PDE8B: variants seen among roughly 807,000 people sequenced by gnomAD.
PDE8B encodes the protein phosphodiesterase 8B, also known as high affinity cAMP-specific and IBMX-insensitive 3',5'-cyclic phosphodiesterase 8B.
In PDE8B, 26 loss-of-function variants were observed where a neutral mutation model predicts 101.3. The ratio of observed to expected loss-of-function variants is 0.26; its 90% CI spans 0.19 to 0.36. PDE8B has a LOEUF of 0.36. Among genes scored for constraint, PDE8B ranks in the 10% least tolerant of loss-of-function variants. PDE8B has a pLI of 1.00. For synonymous variants in PDE8B, 424 were observed against 429.3 expected, an observed-to-expected ratio of 0.99 and a Z score of 0.15; for missense variants, 810 against 1,163.1, an observed-to-expected ratio of 0.70 and a Z score of 4.42.
chr5:77,110,774 G>A, the PDE8B span, among the ~76,000 whole-genome samples: 54 of 152,296 alleles, frequency 3.5e-4, no homozygotes, highest in Admixed American at 3.2e-3. Context: ...AGAGACTACC[G>A]CATGGCCTCT....
chr5:77,189,219 A>G, the PDE8B span, among the ~76,000 whole-genome samples: 2 of 152,192 alleles, frequency 1.3e-5, no homozygotes, highest in Admixed American at 6.5e-5. Flanking sequence ...TCCTTAAAGG[A>G]CATATTTCTA....
chr5:77,281,479 G>A (rs1264459530), intron 1 of PDE8B, among the ~76,000 whole-genome samples: 1 of 152,200 alleles, frequency 6.6e-6, no homozygotes, highest in Non-Finnish European at 1.5e-5. Context: ...GGAGGCTCTA[G>A]GGCAGAAATC....
intron 1 of PDE8B, among the ~76,000 whole-genome samples, chr5:77,280,202 T>C (rs1198996198): frequency 2.6e-5 from 4 of 152,164 alleles, no homozygotes; most frequent in African/African-American, 9.7e-5. Flanking sequence ...GTGCAGGGGA[T>C]TGGGTGCCAA....
intron 6 of PDE8B, among the ~76,000 whole-genome samples, chr5:77,337,673 G>A (rs1042385692): frequency 6.6e-6 from 1 of 152,108 alleles, no homozygotes. Flanking sequence ...GGATTGTTAC[G>A]CATAGGGGCA....
At chr5:77,346,289 G>T (rs370324621) in intron 7 of PDE8B, among the ~76,000 whole-genome samples, 57 of 152,262 alleles carry the variant, frequency 3.7e-4, no homozygotes, top group African/African-American at 1.4e-3. Context: ...AGAGCCAGAC[G>T]TGTTTCTGTT....
At chr5:77,346,509 T>G (rs939139665) in intron 7 of PDE8B, among the ~76,000 whole-genome samples, 3 of 152,092 alleles carry the variant, frequency 2.0e-5, no homozygotes, top group Non-Finnish European at 4.4e-5. Context: ...GGGAACAGAG[T>G]CTTTCATTCT....
intron 7 of PDE8B, among the ~76,000 whole-genome samples, chr5:77,347,114 C>T (rs1281410590): frequency 1.3e-5 from 2 of 152,192 alleles, no homozygotes; most frequent in South Asian, 2.1e-4. Flanking sequence ...TCCATGCCCC[C>T]ATCTATCTAA....
chr5:77,207,981 C>A (rs971645392), upstream of PDE8B, among the ~76,000 whole-genome samples: 1 of 152,214 alleles, frequency 6.6e-6, no homozygotes, highest in Admixed American at 6.5e-5. Flanking sequence ...AAGTTGCAGT[C>A]AATGAAAGTC....
the PDE8B span, among the ~76,000 whole-genome samples, chr5:77,125,127 G>A: frequency 6.6e-6 from 1 of 152,026 alleles, no homozygotes; most frequent in Non-Finnish European, 1.5e-5. Context: ...GGGGTAGCTG[G>A]GACTACAGGC....
At chr5:77,367,903 C>G (rs531325401) in intron 10 of PDE8B, among the ~76,000 whole-genome samples, 22 of 152,200 alleles carry the variant, frequency 1.4e-4, no homozygotes, top group Non-Finnish European at 2.8e-4. Flanking sequence ...GCACTTGCAG[C>G]GTTCTTCACA....
the PDE8B span, among the ~76,000 whole-genome samples, chr5:77,122,389 C>T: frequency 3.3e-5 from 5 of 152,186 alleles, no homozygotes; most frequent in Non-Finnish European, 7.3e-5. Flanking sequence ...TGGTCTACTG[C>T]CATGAGGAAC....
chr5:77,220,854 G>C (rs895244802), intron 1 of PDE8B, among the ~76,000 whole-genome samples: 3 of 152,116 alleles, frequency 2.0e-5, no homozygotes, highest in Non-Finnish European at 4.4e-5. Context: ...GGAGCTGAGG[G>C]GCTCAGGTGG....
chr5:77,290,507 A>G, intron 1 of PDE8B: 1 of 1,469,814 alleles, frequency 6.8e-7, no homozygotes, highest in Admixed American at 1.7e-5. Flanking sequence ...TTCCTGCTCC[A>G]AAACGAGGAG....
At chr5:77,232,968 A>G (rs1561386475) in intron 1 of PDE8B, among the ~76,000 whole-genome samples, 1 of 152,226 alleles carries the variant, frequency 6.6e-6, no homozygotes, top group Non-Finnish European at 1.5e-5. Context: ...AAGATGTCAC[A>G]GGAGTATTGT....
intron 6 of PDE8B, among the ~76,000 whole-genome samples, chr5:77,340,600 A>AGT (rs34764404): frequency 0.041 from 5,710 of 140,102 alleles, 128 homozygotes; most frequent in Admixed American, 0.049. Flanking sequence ...GCAGCCTCAC[A>AGT]GTGTGTGTGT....
At chr5:77,309,943 CTTTTT>C (rs955296324) in intron 1 of PDE8B, among the ~76,000 whole-genome samples, 11 of 114,168 alleles carry the variant, frequency 9.6e-5, no homozygotes, top group African/African-American at 3.0e-4. Flanking sequence ...AATCATTAAT[CTTTTT>C]TTTTTTTTTT....
the PDE8B span, among the ~76,000 whole-genome samples, chr5:77,205,147 C>G: frequency 6.6e-6 from 1 of 152,136 alleles, no homozygotes; most frequent in South Asian, 2.1e-4. Flanking sequence ...ACCCAGCACT[C>G]GGTGGCCTCC....
intron 10 of PDE8B, among the ~76,000 whole-genome samples, chr5:77,361,361 G>T (rs1407210883): frequency 6.6e-6 from 1 of 152,148 alleles, no homozygotes; most frequent in Non-Finnish European, 1.5e-5. Context: ...TGTGTATCAT[G>T]TCTATAGTAG....
At chr5:77,417,119 A>G (rs1209607771) in intron 17 of PDE8B, among the ~76,000 whole-genome samples, 1 of 152,174 alleles carries the variant, frequency 6.6e-6, no homozygotes, top group African/African-American at 2.4e-5. Flanking sequence ...TCAGCCTCGC[A>G]TGGCTACTAA....
Sources: gnomAD v4.1 joint callset for allele counts (sites outside exome capture counted in the v4.1 genomes callset) on GRCh38, gnomAD v4.1.1 for gene constraint, MANE v1.5 for transcripts, NCBI Gene and HGNC (gene_info 2026-07-23, HGNC 2026-07-21) for gene names.